The following TBC1D16 variants were observed in gnomAD, a reference collection of about 807,000 sequenced individuals.
The protein encoded by TBC1D16 is CTD-2529O21.1.
In TBC1D16, 58 loss-of-function variants were observed where a neutral mutation model predicts 74.7. The observed-to-expected ratio is 0.78, with a 90% CI of 0.63 to 0.97. The LOEUF (loss-of-function observed/expected upper bound fraction) is 0.97. Ranked by LOEUF, TBC1D16 falls within the 50% of genes least tolerant of loss-of-function variation. The probability of loss-of-function intolerance (pLI) is 0.00; values close to 1 mark genes in which losing one functional copy is unlikely to be tolerated. For synonymous variants in TBC1D16, 493 were observed against 474.7 expected (o/e 1.04, Z -0.50); for missense variants, 1,014 against 1,079.5 (o/e 0.94, Z 0.85).
At chr17:79,978,723 C>T (rs1251871308) in intron 3 of TBC1D16, among the ~76,000 whole-genome samples, 1 of 152,218 alleles carries the variant, frequency 6.6e-6, no homozygotes, top group Non-Finnish European at 1.5e-5. Context: ...TTTTTCCATT[C>T]AGCGTGATTA....
At chr17:79,963,470 C>T (rs559963182) in intron 3 of TBC1D16, among the ~76,000 whole-genome samples, 21 of 152,154 alleles carry the variant, frequency 1.4e-4, no homozygotes, top group African/African-American at 4.8e-4. Flanking sequence ...GGATGGACCG[C>T]GTTTTGTTTA....
Position 79,947,862 on chromosome 17 carries a change from G to T in TBC1D16, c.1542-31C>A, listed in dbSNP as rs769638683. 1.9e-6 allele frequency: 3 copies of T among 1,595,542 alleles called. No individual in the cohort carries two copies. In the Admixed American group the frequency reaches 5.0e-5, roughly 27 times the overall value. The stretch of plus-strand genomic sequence containing the variant: ...AGGCGGTGGAGACAGCAGTGGGTGG[G>T]GATGACCCTCACCGCGGCACACTGC... On this transcript the variant is annotated intron_variant, in intron 8 of 11. Transcript: ENST00000310924.
At chr17:80,026,054 C>T (rs1345715016) in intron 1 of TBC1D16, 3 of 150,134 alleles carry the variant, frequency 2.0e-5, no homozygotes, top group Non-Finnish European at 4.4e-5. Flanking sequence ...CAGAAGCAAC[C>T]GAGATGTTCT....
At chr17:79,967,750 A>T (rs1472328729) in intron 3 of TBC1D16, among the ~76,000 whole-genome samples, 1 of 152,182 alleles carries the variant, frequency 6.6e-6, no homozygotes. Flanking sequence ...GGTTGACCCT[A>T]AAATTCATAC....
At position 79,941,141 on chromosome 17, in the gene TBC1D16, G is replaced by T; in HGVS notation, c.2056-34C>A. The T allele has an allele frequency of 6.6e-7, 1 of 1,525,164 alleles. No homozygotes were observed. The highest frequency in any genetic ancestry group is 8.9e-7 in the Non-Finnish European group (1 of 1,126,950). The allele number at this position is 1,525,164 out of a possible 1,614,324, so 94.5% of individuals were successfully genotyped here. A position where few individuals can be genotyped will look rare whatever the true frequency, so the allele number is the denominator to read the frequency against. On this transcript the variant is annotated intron_variant, in intron 11 of 11. Transcript: ENST00000310924. The surrounding 1 kb of genome is among the most constrained non-coding windows in gnomAD (Gnocchi z 4.3). The stretch of plus-strand genomic sequence containing the variant: ...AGAGGACGGGGGGTGAGGAGGGGCC[G>T]GGGGACAGCCTGGCAGCCTAGGGTC...
Position 79,940,706 on chromosome 17 carries a change from A to G in TBC1D16, c.*153T>C. 2.1e-6 allele frequency: 2 copies of G among 933,408 alleles called. No homozygotes were observed. Among genetic ancestry groups the G allele is most frequent in the East Asian group, 5.9e-5 (2 of 33,690 alleles). The allele number at this position is 933,408 out of a possible 1,614,324, so 57.8% of individuals were successfully genotyped here. On this transcript the variant is annotated 3_prime_UTR_variant, in exon 12 of 12. Transcript: ENST00000310924. This position sits in a 1 kb window ranked among gnomAD's most constrained non-coding sequence, Gnocchi z 5.4. ...GTCACTTCCAGACTCTAATTTTGTC[A>G]TTAATATGAAAAGGTTCCTCTCATG...
At chr17:80,034,200 C>T (rs866925220) in intron 1 of TBC1D16, among the ~76,000 whole-genome samples, 86 of 120,844 alleles carry the variant, frequency 7.1e-4, no homozygotes, top group African/African-American at 2.6e-3. Flanking sequence ...TTTTTTTTTC[C>T]TTTTTTTTTT....
At chr17:79,947,502 G>C (rs1480620713) in intron 9 of TBC1D16, 143 bp downstream of exon 9, 3 of 882,084 alleles carry the variant, frequency 3.4e-6, no homozygotes, top group Admixed American at 2.5e-5. Context: ...CATATCCCAC[G>C]GGCAAGTCCT....
chr17:80,031,396 T>A (rs1277655639), intron 1 of TBC1D16, among the ~76,000 whole-genome samples: 4 of 152,134 alleles, frequency 2.6e-5, no homozygotes, highest in Non-Finnish European at 5.9e-5. Flanking sequence ...GACATCAAGT[T>A]GTATTTAAAA....
At position 80,010,160 on chromosome 17, in the gene TBC1D16, C is replaced by T; in HGVS notation, c.779G>A (p.Ser260Asn). 1 of 1,607,934 alleles carries T rather than the reference C, an allele frequency of 6.2e-7. No individual in the cohort carries two copies. The highest frequency in any genetic ancestry group is 8.5e-7 in the Non-Finnish European group (1 of 1,176,956). The stretch of plus-strand genomic sequence containing the variant: ...CCCACGCCCAGAACCAGGAACTCAC[C>T]TGCTGTCACTTTCCAGAAACACGGA... The part of the protein sequence containing the change: ...RGSVFLESDS[S>N]PPSSSDAGLR... The change falls in exon 3 of 12, where the codon AGC (serine) becomes AAC (asparagine). Residue 260 changes from serine to asparagine, a missense_variant and splice_region_variant. Ser to Asn is a conservative substitution (Grantham distance 46). Coordinates refer to ENST00000310924, the MANE Select transcript of TBC1D16 (RefSeq NM_019020.4). The surrounding 1 kb of genome is among the most constrained non-coding windows in gnomAD (Gnocchi z 8.8).
intron 9 of TBC1D16, among the ~76,000 whole-genome samples, chr17:79,947,383 T>C (rs1305077480): frequency 1.3e-5 from 2 of 152,058 alleles, no homozygotes; most frequent in East Asian, 1.9e-4. Context: ...TTGGGCCAGG[T>C]TGTCACGTGC....
rs559863830 is a variant in TBC1D16 at position 79,985,820 on chromosome 17, G to A, written c.779+24340C>T. ...TATTTGTTCTGCTGGCTCCCACCTC[G>A]CAGCCACAACTTCAATGCCCACAAC... is the stretch of plus-strand genomic sequence containing the variant. On this transcript the variant is annotated intron_variant, in intron 3 of 11. Coordinates refer to ENST00000310924, the MANE Select transcript of TBC1D16 (RefSeq NM_019020.4). The surrounding 1 kb of genome is among the most constrained non-coding windows in gnomAD (Gnocchi z 4.9). Among the ~76,000 whole-genome samples, 144 of 152,280 alleles carry A rather than the reference G, an allele frequency of 9.5e-4. No homozygotes were observed. Among genetic ancestry groups the A allele is most frequent in the African/African-American group, 3.3e-3 (137 of 41,542 alleles).
chr17:80,015,440 AT>A (rs2036053084), intron 1 of TBC1D16, among the ~76,000 whole-genome samples: 1 of 151,924 alleles, frequency 6.6e-6, no homozygotes, highest in African/African-American at 2.4e-5. Flanking sequence ...TCTCAAAAAA[AT>A]AAAATAAATA....
chr17:80,002,790 G>C (rs1568626643), intron 3 of TBC1D16, among the ~76,000 whole-genome samples: 1 of 152,246 alleles, frequency 6.6e-6, no homozygotes, highest in Non-Finnish European at 1.5e-5. Flanking sequence ...TCTAGGGCGT[G>C]GTGGCCACAC....
chr17:79,980,081 G>A lies in TBC1D16; in HGVS notation c.780-27263C>T, dbSNP rs2034518015. On this transcript the variant is annotated intron_variant, in intron 3 of 11. Transcript: ENST00000310924. The surrounding 1 kb of genome is among the most constrained non-coding windows in gnomAD (Gnocchi z 7.0). ...TCACCGTGCCGTGGAGGGTGGCCGC[G>A]AGGTTCATCTGGGCCTCCGAGCCTC... Among the ~76,000 whole-genome samples the A allele has an allele frequency of 6.6e-6, 1 of 152,266 alleles. No individual in the cohort carries two copies. The highest frequency in any genetic ancestry group is 2.4e-5 in the African/African-American group (1 of 41,544).
At chr17:80,005,980 C>T (rs993069034) in intron 3 of TBC1D16, among the ~76,000 whole-genome samples, 2 of 152,118 alleles carry the variant, frequency 1.3e-5, no homozygotes, top group African/African-American at 4.8e-5. Context: ...TTCAGATCCA[C>T]CACTAGAGGG....
rs1180685924 is a variant in TBC1D16 at position 80,007,636 on chromosome 17, T to A, written c.779+2524A>T. ...GAATAGAGAAGCCTCCCCCAAAAGC[T>A]GACATGAAGGTGCCTCGCCCCAGGA... On this transcript the variant is annotated intron_variant, in intron 3 of 11. Coordinates refer to ENST00000310924, the MANE Select transcript of TBC1D16 (RefSeq NM_019020.4). The surrounding 1 kb of genome is among the most constrained non-coding windows in gnomAD (Gnocchi z 4.5). Among the ~76,000 whole-genome samples, 1 of 152,016 alleles carries A rather than the reference T, an allele frequency of 6.6e-6. No individual in the cohort carries two copies. The highest frequency in any genetic ancestry group is 1.9e-4 in the East Asian group (1 of 5,166).
intron 1 of TBC1D16, among the ~76,000 whole-genome samples, chr17:80,033,329 G>A (rs968625874): frequency 2.6e-5 from 4 of 151,474 alleles, no homozygotes; most frequent in African/African-American, 7.3e-5. Context: ...AAGTGCCAGA[G>A]GAGTTGGGGT....
At position 79,971,962 on chromosome 17, in the gene TBC1D16, G is replaced by T. The variant is rs1438647232; in HGVS notation, c.780-19144C>A. Among the ~76,000 whole-genome samples, 1 of 152,126 alleles carries T rather than the reference G, an allele frequency of 6.6e-6. No homozygotes were observed. Among genetic ancestry groups the T allele is most frequent in the Non-Finnish European group, 1.5e-5 (1 of 68,018 alleles). Reference sequence around the variant, plus strand: ...TGCGGAGGACAGGTCGGAGTGCTCTGAAAACGGCCCTGGCATTGATTTTTA... The same window carrying T: ...TGCGGAGGACAGGTCGGAGTGCTCTTAAAACGGCCCTGGCATTGATTTTTA... On this transcript the variant is annotated intron_variant, in intron 3 of 11. Transcript: ENST00000310924. The surrounding 1 kb of genome is among the most constrained non-coding windows in gnomAD (Gnocchi z 4.6).
Sources: gnomAD v4.1 joint callset for allele counts (sites outside exome capture counted in the v4.1 genomes callset) on GRCh38, gnomAD v4.1.1 for gene constraint, Gnocchi (gnomAD v3.1) non-coding constraint, MANE v1.5 for transcripts, NCBI Gene and HGNC (gene_info 2026-07-23, HGNC 2026-07-21) for gene names.